ANKRD39: variants seen among roughly 807,000 people sequenced by gnomAD.
ANKRD39 encodes ankyrin repeat domain-containing protein 39.
In ANKRD39, 18 loss-of-function variants were observed where a neutral mutation model predicts 20.3. The ratio of observed to expected loss-of-function variants is 0.89; its 90% confidence interval spans 0.61 to 1.32. The LOEUF is 1.32. Ranked by LOEUF, ANKRD39 falls within the 40% of genes most tolerant of loss-of-function variation. The pLI, the probability that ANKRD39 is intolerant of heterozygous loss-of-function variation, is 0.00. For missense variants in ANKRD39, 243 were observed against 250.7 expected (o/e 0.97, Z 0.21); for synonymous variants, 106 against 111.9 (o/e 0.95, Z 0.33).
rs1282169956 is a variant in ANKRD39 at position 96,848,291 on chromosome 2, G to C, written c.*10C>G. The C allele has an allele frequency of 6.2e-7, 1 of 1,613,652 alleles. No homozygotes were observed. Among genetic ancestry groups the C allele is most frequent in the East Asian group, 2.2e-5 (1 of 44,874 alleles). On this transcript the variant is annotated 3_prime_UTR_variant, in exon 4 of 4. Coordinates refer to ENST00000393537, the MANE Select transcript of ANKRD39 (RefSeq NM_016466.6). ...TACCCTTTAAAGGCAGCTGGAGATA[G>C]GGTGGCGGCTCAGCTGGATAGCAGG...
chr2:96,857,809 A>C (rs1448165340), intron 1 of ANKRD39, 79 bp downstream of exon 1: 2 of 1,440,998 alleles, frequency 1.4e-6, no homozygotes, highest in Non-Finnish European at 1.9e-6. Flanking sequence ...GGCCCCGTTC[A>C]TCCGCCTCTC....
chr2:96,853,011 T>C (rs2079845780), intron 3 of ANKRD39, among the ~76,000 whole-genome samples: 1 of 152,190 alleles, frequency 6.6e-6, no homozygotes, highest in South Asian at 2.1e-4. Context: ...TGGCATGCCC[T>C]TGTAGACTCT....
intron 3 of ANKRD39, among the ~76,000 whole-genome samples, chr2:96,852,741 T>C (rs1381431560): frequency 6.6e-6 from 1 of 152,094 alleles, no homozygotes; most frequent in Non-Finnish European, 1.5e-5. Context: ...ATATGCCACA[T>C]ATGCATAGAC....
At chr2:96,849,510 C>T (rs1476777188) in intron 3 of ANKRD39, among the ~76,000 whole-genome samples, 7 of 151,892 alleles carry the variant, frequency 4.6e-5, no homozygotes, top group East Asian at 1.9e-4. Flanking sequence ...ATTAGCCAGG[C>T]GTGGTGGCAT....
rs1200024397 is a variant in ANKRD39, at chr2:96,853,594, C to A, written c.215G>T (p.Ser72Ile). ...SAGYTALHYA[S>I]RNGHYAVCQF... ...GCACACAGCGTAGTGCCCATTGCGGCTGGCATAGTGCTGCAGGGAACAGAG... is the reference window on the plus strand; with the variant it reads ...GCACACAGCGTAGTGCCCATTGCGGATGGCATAGTGCTGCAGGGAACAGAG... Residue 72 changes from serine (S) to isoleucine (I), a missense_variant, in exon 3 of 4, where the codon AGC (serine) becomes ATC (isoleucine). Physicochemically the swap from Ser to Ile is moderately radical, Grantham distance 142. Transcript: ENST00000393537. The A allele has an allele frequency of 1.9e-6, 3 of 1,611,802 alleles. No homozygotes were observed. In the African/African-American group the frequency reaches 4.0e-5, roughly 22 times the overall value.
At chr2:96,852,541 G>A (rs889255549) in intron 3 of ANKRD39, among the ~76,000 whole-genome samples, 1 of 150,876 alleles carries the variant, frequency 6.6e-6, no homozygotes, top group African/African-American at 2.4e-5. Context: ...CCTGGAGAAG[G>A]GGGCAGGAGC....
At chr2:96,851,024 A>G (rs966856021) in intron 3 of ANKRD39, among the ~76,000 whole-genome samples, 7 of 152,172 alleles carry the variant, frequency 4.6e-5, no homozygotes, top group African/African-American at 1.7e-4. Flanking sequence ...GAGACGGAAT[A>G]TCTGTGTCAC....
chr2:96,853,727 G>T, intron 2 of ANKRD39, 123 bp from the exon 3 acceptor site: 1 of 919,578 alleles, frequency 1.1e-6, no homozygotes, highest in Non-Finnish European at 1.7e-6. Flanking sequence ...GCCAACCCCA[G>T]CAGTCGTGTG....
intron 3 of ANKRD39, among the ~76,000 whole-genome samples, chr2:96,851,186 C>T (rs889112555): frequency 1.1e-4 from 17 of 150,802 alleles, no homozygotes; most frequent in Admixed American, 5.3e-4. Context: ...GACAGAGTTT[C>T]GCTCTTGTTG....
At position 96,848,432 on chromosome 2, in the gene ANKRD39, C is replaced by A. The variant is rs753739984; in HGVS notation, c.421G>T (p.Gly141Cys). Reference protein sequence around the residue: ...MTSLHKAAERGHGDICSLLLQ... With the variant: ...MTSLHKAAERCHGDICSLLLQ... ...AGGAGGGAGCAGATGTCCCCGTGAC[C>A]CCTCTCAGCAGCCTGTGGAGAGAAA... The change falls in exon 4 of 4, where the codon GGT becomes TGT. Residue 141 changes from glycine (G) to cysteine (C), a missense_variant. Gly to Cys is a radical substitution (Grantham distance 159). Coordinates refer to ENST00000393537, the MANE Select transcript of ANKRD39 (RefSeq NM_016466.6). 3 of 1,613,988 alleles carry A rather than the reference C, an allele frequency of 1.9e-6. No individual in the cohort carries two copies. The highest frequency in any genetic ancestry group is 2.5e-6 in the Non-Finnish European group (3 of 1,180,008).
chr2:96,853,260 T>G, intron 3 of ANKRD39, 141 bp downstream of exon 3: 1 of 1,052,736 alleles, frequency 9.5e-7, no homozygotes. Flanking sequence ...AGTCCTAAAG[T>G]GATGACAGGT....
At chr2:96,854,472 T>C (rs2079853739) in intron 1 of ANKRD39, 31 bp from the exon 2 acceptor site, 1 of 1,604,788 alleles carries the variant, frequency 6.2e-7, no homozygotes. Context: ...GACTGAATGA[T>C]GCTGAATGGG....
intron 3 of ANKRD39, among the ~76,000 whole-genome samples, chr2:96,848,767 G>A (rs1038402657): frequency 6.6e-6 from 1 of 152,052 alleles, no homozygotes; most frequent in Non-Finnish European, 1.5e-5. Context: ...GTTGCAGTGA[G>A]CTGAGATCAT....
chr2:96,851,659 G>A (rs1206430795), intron 3 of ANKRD39, among the ~76,000 whole-genome samples: 1 of 152,186 alleles, frequency 6.6e-6, no homozygotes, highest in African/African-American at 2.4e-5. Flanking sequence ...CCCAAACAGG[G>A]AATTTCCAGG....
At position 96,853,600 on chromosome 2, in the gene ANKRD39, T is replaced by C; in HGVS notation, c.209A>G (p.Tyr70Cys). Reference sequence around the variant, plus strand: ...AGCGTAGTGCCCATTGCGGCTGGCATAGTGCTGCAGGGAACAGAGACCGAG... The same window carrying C: ...AGCGTAGTGCCCATTGCGGCTGGCACAGTGCTGCAGGGAACAGAGACCGAG... Reference protein sequence around the residue: ...PDSAGYTALHYASRNGHYAVC... With the variant: ...PDSAGYTALHCASRNGHYAVC... Residue 70 changes from tyrosine (Y) to cysteine (C), a missense_variant, in exon 3 of 4, where the codon TAT becomes TGT. Coordinates refer to ENST00000393537, the MANE Select transcript of ANKRD39 (RefSeq NM_016466.6). 6.2e-7 allele frequency: 1 copy of C among 1,611,714 alleles called. No homozygotes were observed. Among genetic ancestry groups the C allele is most frequent in the Non-Finnish European group, 8.5e-7 (1 of 1,179,774 alleles).
chr2:96,856,959 T>G (rs188717858), intron 1 of ANKRD39, among the ~76,000 whole-genome samples: 14 of 152,034 alleles, frequency 9.2e-5, no homozygotes, highest in African/African-American at 1.4e-4. Flanking sequence ...AGAAATAAAA[T>G]GAGGAGGAGA....
At chr2:96,854,076 G>A (rs777175286) in intron 2 of ANKRD39, among the ~76,000 whole-genome samples, 5 of 152,220 alleles carry the variant, frequency 3.3e-5, no homozygotes, top group Non-Finnish European at 5.9e-5. Context: ...GCAGTGAGCT[G>A]AGATCGCATC....
In ANKRD39 at chr2:96,853,444, T is replaced by C. The variant is rs2079847909; in HGVS notation, c.365A>G (p.Asn122Ser). ...GCCGTCGTCATCCACCACCCTGGGG[T>C]TGGACCCATGTGATAGCAGGAGCCG... ...IARLLLSHGSNPRVVDDDGMT... is the reference protein window; with the variant it reads ...IARLLLSHGSSPRVVDDDGMT... Residue 122 changes from asparagine (N) to serine (S), a missense_variant, in exon 3 of 4, where the codon AAC (asparagine) becomes AGC (serine). Asn to Ser is a conservative substitution (Grantham distance 46). Coordinates refer to ENST00000393537, the MANE Select transcript of ANKRD39 (RefSeq NM_016466.6). The C allele has an allele frequency of 6.3e-7, 1 of 1,593,642 alleles. No homozygotes were observed. The highest frequency in any genetic ancestry group is 1.3e-5 in the African/African-American group (1 of 74,270).
chr2:96,854,282 G>T, intron 2 of ANKRD39, 56 bp downstream of exon 2: 1 of 1,530,958 alleles, frequency 6.5e-7, no homozygotes, highest in South Asian at 1.2e-5. Context: ...TCAGAGAGCA[G>T]GTGTCTCCTG....
Sources: gnomAD v4.1 joint callset for allele counts (sites outside exome capture counted in the v4.1 genomes callset) on GRCh38, gnomAD v4.1.1 for gene constraint, MANE v1.5 for transcripts, NCBI Gene and HGNC (gene_info 2026-07-23, HGNC 2026-07-21) for gene names.